Variants in PTPRK observed in about 807,000 individuals in gnomAD.
The protein encoded by PTPRK is receptor-type tyrosine-protein phosphatase kappa.
Under a neutral mutation model 178.0 loss-of-function variants are expected in PTPRK, and 75 were observed. The ratio of observed to expected loss-of-function variants is 0.42; its 90% CI spans 0.35 to 0.51. The LOEUF is 0.51. Among genes scored for constraint, PTPRK ranks in the 20% least tolerant of loss-of-function variants. PTPRK has a pLI of 0.02. For missense variants in PTPRK, 1,441 were observed against 1,797.8 expected (o/e 0.80, Z 3.59); for synonymous variants, 637 against 620.6 (o/e 1.03, Z -0.39).
At chr6:128,449,908 C>T (rs959738440) in intron 1 of PTPRK, among the ~76,000 whole-genome samples, 3 of 143,878 alleles carry the variant, frequency 2.1e-5, no homozygotes, top group Non-Finnish European at 4.5e-5. Context: ...CCAGCCTGGC[C>T]AACGTGGTGA....
chr6:127,989,242 T>C (rs2114654546), intron 21 of PTPRK, among the ~76,000 whole-genome samples: 1 of 152,242 alleles, frequency 6.6e-6, no homozygotes, highest in Admixed American at 6.5e-5. Flanking sequence ...ATGAGCTAGT[T>C]ATTCATTAAA....
Position 127,985,661 on chromosome 6 carries a change from T to C in PTPRK, c.3251+60A>G, listed in dbSNP as rs191876974. ...TTAGTTTTTGTGCTCAAAAGCCTTG[T>C]CTTGATACTCTAAAAAAAGCTGATT... On this transcript the variant is annotated intron_variant, in intron 22 of 29. Transcript: ENST00000368226. The C allele has an allele frequency of 4.8e-4, 716 of 1,490,162 alleles. 2 individuals are homozygous for C. In the African/African-American group the frequency reaches 7.6e-3, roughly 16 times the overall value. 92.3% of individuals were successfully genotyped at this position (1,490,162 alleles called of 1,614,324 possible). A position where few individuals can be genotyped will look rare whatever the true frequency, so the allele number is the denominator to read the frequency against.
intron 13 of PTPRK, among the ~76,000 whole-genome samples, chr6:128,019,028 C>G (rs1039296631): frequency 1.3e-5 from 2 of 152,070 alleles, no homozygotes; most frequent in African/African-American, 4.8e-5. Context: ...CAATACATAC[C>G]ATGGCTACTG....
intron 1 of PTPRK, among the ~76,000 whole-genome samples, chr6:128,400,862 G>A (rs571272826): frequency 2.0e-5 from 3 of 152,156 alleles, no homozygotes; most frequent in Non-Finnish European, 2.9e-5. Context: ...TGAATTTAAA[G>A]TTTCACTGAG....
chr6:127,989,151 T>C (rs1160210886), intron 21 of PTPRK, among the ~76,000 whole-genome samples: 2 of 152,070 alleles, frequency 1.3e-5, no homozygotes, highest in African/African-American at 4.8e-5. Flanking sequence ...AGGTTTTCCT[T>C]ATTACTAAGT....
At chr6:128,411,521 T>C (rs1200701553) in intron 1 of PTPRK, among the ~76,000 whole-genome samples, 1 of 152,170 alleles carries the variant, frequency 6.6e-6, no homozygotes, top group Admixed American at 6.5e-5. Context: ...TCTCTACATA[T>C]TGACAGCTTC....
At chr6:127,991,042 T>C (rs1160771925) in intron 20 of PTPRK, among the ~76,000 whole-genome samples, 157 bp from the exon 21 acceptor site, 1 of 152,044 alleles carries the variant, frequency 6.6e-6, no homozygotes, top group Non-Finnish European at 1.5e-5. Flanking sequence ...AGAGTTTATA[T>C]AGTCTCACAA....
intron 2 of PTPRK, among the ~76,000 whole-genome samples, chr6:128,332,793 C>T (rs1048865176): frequency 3.9e-5 from 6 of 152,206 alleles, no homozygotes; most frequent in Middle Eastern, 6.8e-3. Flanking sequence ...CTCTATAACC[C>T]TCCCTCTCTC....
At chr6:128,189,425 G>A (rs1803372538) in intron 6 of PTPRK, among the ~76,000 whole-genome samples, 1 of 151,378 alleles carries the variant, frequency 6.6e-6, no homozygotes, top group Non-Finnish European at 1.5e-5. Context: ...TTTTTTAGTA[G>A]AGACGGGGTT....
intron 1 of PTPRK, among the ~76,000 whole-genome samples, chr6:128,455,720 T>C (rs1277822742): frequency 6.6e-6 from 1 of 152,132 alleles, no homozygotes; most frequent in Non-Finnish European, 1.5e-5. Flanking sequence ...TTATGTAATA[T>C]TTAATGGGAG....
At chr6:128,085,490 A>C (rs1446375748) in intron 8 of PTPRK, among the ~76,000 whole-genome samples, 1 of 152,254 alleles carries the variant, frequency 6.6e-6, no homozygotes, top group East Asian at 1.9e-4. Context: ...AAAGGGAGCA[A>C]AATATCCAAT....
At chr6:128,197,928 C>A (rs1805196920) in intron 6 of PTPRK, among the ~76,000 whole-genome samples, 1 of 152,116 alleles carries the variant, frequency 6.6e-6, no homozygotes, top group Admixed American at 6.6e-5. Context: ...TGTAATGAGA[C>A]CTAGAACACT....
chr6:128,350,047 T>A (rs1013728365), intron 2 of PTPRK, among the ~76,000 whole-genome samples: 7 of 152,058 alleles, frequency 4.6e-5, no homozygotes, highest in African/African-American at 1.7e-4. Context: ...TGAGAGGCAA[T>A]CATGTACTAA....
intron 7 of PTPRK, among the ~76,000 whole-genome samples, chr6:128,138,739 G>A (rs1194459150): frequency 1.3e-5 from 2 of 151,998 alleles, no homozygotes; most frequent in Non-Finnish European, 2.9e-5. Context: ...TAGGTGTCCT[G>A]TCTTTACAGC....
intron 5 of PTPRK, among the ~76,000 whole-genome samples, chr6:128,234,494 C>G (rs1812867781): frequency 6.6e-6 from 1 of 152,152 alleles, no homozygotes; most frequent in Non-Finnish European, 1.5e-5. Context: ...TCCTTATTCC[C>G]CACAGGCAAC....
At chr6:128,162,769 A>G (rs1417796415) in intron 7 of PTPRK, among the ~76,000 whole-genome samples, 2 of 151,664 alleles carry the variant, frequency 1.3e-5, no homozygotes, top group African/African-American at 4.8e-5. Context: ...ACGGTAGTCA[A>G]ATACTTGGAA....
chr6:128,474,513 A>G (rs2128420430), intron 1 of PTPRK, among the ~76,000 whole-genome samples: 1 of 152,242 alleles, frequency 6.6e-6, no homozygotes, highest in African/African-American at 2.4e-5. Context: ...TTGGCAACAT[A>G]TGGCTATATA....
At chr6:128,453,021 C>A (rs1847977606) in intron 1 of PTPRK, among the ~76,000 whole-genome samples, 1 of 152,126 alleles carries the variant, frequency 6.6e-6, no homozygotes, top group Non-Finnish European at 1.5e-5. Context: ...AACAGCTGAC[C>A]TGCAGATTTA....
Position 128,379,287 on chromosome 6 carries a change from TG to T in PTPRK, c.223+18278del, listed in dbSNP as rs1459551296. The stretch of plus-strand genomic sequence containing the variant: ...CATGAATCGAATAAATGCTATATGA[TG>T]CACTGCCATGAACCATGTGATTGAG... On this transcript the variant is annotated intron_variant, in intron 2 of 29. Transcript: ENST00000368226. 2.0e-5 allele frequency among the ~76,000 whole-genome samples: 3 copies of T among 152,122 alleles called. No individual in the cohort carries two copies. The East Asian group carries it at 5.8e-4, about 29-fold the overall frequency.
Sources: gnomAD v4.1 joint callset for allele counts (sites outside exome capture counted in the v4.1 genomes callset) on GRCh38, gnomAD v4.1.1 for gene constraint, MANE v1.5 for transcripts, NCBI Gene and HGNC (gene_info 2026-07-23, HGNC 2026-07-21) for gene names.